The following LMNTD1 variants were observed in gnomAD, a reference collection of about 807,000 sequenced individuals.
LMNTD1 encodes lamin tail domain containing 1.
LMNTD1 carries 35 observed loss-of-function variants against 50.9 expected under a neutral mutation model. The ratio of observed to expected loss-of-function variants is 0.69; its 90% confidence interval spans 0.53 to 0.91. The LOEUF (loss-of-function observed/expected upper bound fraction) is 0.91. Ranked by LOEUF, LMNTD1 falls within the 40% of genes least tolerant of loss-of-function variation. The pLI is 0.00. For missense variants in LMNTD1, 470 were observed against 475.5 expected (o/e 0.99, Z 0.11); for synonymous variants, 153 against 161.9 (o/e 0.94, Z 0.42).
chr12:25,519,586 T>TAAAAAAAAAAAAAAA (rs781742784), intron 7 of LMNTD1, among the ~76,000 whole-genome samples: 1,017 of 74,802 alleles, frequency 0.014, 170 homozygotes, highest in Admixed American at 0.047. Context: ...AGACTCTGTC[T>TAAAAAAAAAAAAAAA]CAAAAAAAAA....
rs566946297 is a variant in LMNTD1, at chr12:25,621,640, C to T, written c.58+26854G>A. Among the ~76,000 whole-genome samples, 13 of 152,286 alleles carry T rather than the reference C, an allele frequency of 8.5e-5. No individual in the cohort carries two copies. The South Asian group carries it at 1.7e-3, about 19-fold the overall frequency. On this transcript the variant is annotated intron_variant, in intron 1 of 7. Coordinates refer to the LMNTD1 transcript ENST00000445693. ...TTCTTAAATGAATAATTCTGTTCCC[C>T]TATTTTTCCTTTCAGTTATTCATTT...
intron 4 of LMNTD1, among the ~76,000 whole-genome samples, chr12:25,531,823 T>C (rs921740976): frequency 6.6e-6 from 1 of 152,230 alleles, no homozygotes; most frequent in Non-Finnish European, 1.5e-5. Context: ...ATTTATAACC[T>C]TGCTATCTGT....
At chr12:25,612,935 T>C (rs189070806) in intron 1 of LMNTD1, among the ~76,000 whole-genome samples, 3 of 152,256 alleles carry the variant, frequency 2.0e-5, no homozygotes, top group East Asian at 3.9e-4. Context: ...AGTGTTCTTA[T>C]AGGCAGACAG....
At chr12:25,514,165 G>C (rs1052675542) in intron 8 of LMNTD1, among the ~76,000 whole-genome samples, 3 of 152,170 alleles carry the variant, frequency 2.0e-5, no homozygotes, top group African/African-American at 7.2e-5. Context: ...AACAGGAACA[G>C]TGTTATTGGC....
At chr12:25,624,874 G>T (rs192431082) in intron 1 of LMNTD1, among the ~76,000 whole-genome samples, 43 of 152,274 alleles carry the variant, frequency 2.8e-4, no homozygotes, top group African/African-American at 9.6e-4. Context: ...AAATACAAAA[G>T]CAAGTATCCC....
intron 2 of LMNTD1, among the ~76,000 whole-genome samples, chr12:25,551,600 G>A (rs748086292): frequency 6.6e-6 from 1 of 151,990 alleles, no homozygotes; most frequent in Non-Finnish European, 1.5e-5. Flanking sequence ...TATGTTGCCC[G>A]GGCTGTCTCT....
intron 9 of LMNTD1, among the ~76,000 whole-genome samples, chr12:25,484,630 A>G (rs1938556774): frequency 1.4e-5 from 2 of 146,654 alleles, no homozygotes; most frequent in South Asian, 4.5e-4. Context: ...CATTAGGTAT[A>G]TCTCCCAATG....
At chr12:25,552,777 T>A in intron 2 of LMNTD1, 94 bp downstream of exon 2, 1 of 749,394 alleles carries the variant, frequency 1.3e-6, no homozygotes, top group Non-Finnish European at 2.3e-6. Context: ...AACTGGTTCA[T>A]AAGAGTATTG....
chr12:25,646,588 T>A (rs959742735), intron 1 of LMNTD1, among the ~76,000 whole-genome samples: 1 of 152,170 alleles, frequency 6.6e-6, no homozygotes. Flanking sequence ...CCAAAGTCCC[T>A]GGTTTTTCAG....
chr12:25,632,977 G>A (rs1946752982), intron 1 of LMNTD1, among the ~76,000 whole-genome samples: 1 of 151,326 alleles, frequency 6.6e-6, no homozygotes, highest in African/African-American at 2.4e-5. Context: ...GGTGGAAAAA[G>A]GCATTTCACG....
intron 1 of LMNTD1, among the ~76,000 whole-genome samples, chr12:25,622,561 C>G (rs1234931720): frequency 6.7e-6 from 1 of 148,592 alleles, no homozygotes; most frequent in Admixed American, 6.9e-5. Flanking sequence ...ACTGTGTATG[C>G]AGCTGAATTT....
intron 9 of LMNTD1, among the ~76,000 whole-genome samples, chr12:25,501,695 T>C (rs752972023): frequency 2.0e-5 from 3 of 152,138 alleles, no homozygotes; most frequent in African/African-American, 7.2e-5. Flanking sequence ...AGTGACATAA[T>C]GTAAAGCCAT....
intron 1 of LMNTD1, among the ~76,000 whole-genome samples, chr12:25,576,860 A>C (rs1459485075): frequency 6.6e-6 from 1 of 151,996 alleles, no homozygotes; most frequent in Non-Finnish European, 1.5e-5. Flanking sequence ...TCTTGAATTG[A>C]TTTTTGTATA....
chr12:25,508,413 C>T lies in LMNTD1; in HGVS notation c.1190-4613G>A, dbSNP rs555782225. ...TCCTTTTTGTCTGACATTTCTTGTT[C>T]AATAGTATGCTTATGAGATTCACTG... On this transcript the variant is annotated intron_variant, in intron 8 of 9. Coordinates refer to ENST00000458174, the MANE Select transcript of LMNTD1 (RefSeq NM_001145728.2). Among the ~76,000 whole-genome samples, 3 of 152,208 alleles carry T rather than the reference C, an allele frequency of 2.0e-5. No individual in the cohort carries two copies. The South Asian group carries it at 6.2e-4, about 32-fold the overall frequency.
chr12:25,577,875 G>T (rs933261275), intron 1 of LMNTD1, among the ~76,000 whole-genome samples: 3 of 152,118 alleles, frequency 2.0e-5, no homozygotes, highest in African/African-American at 7.2e-5. Context: ...GGTCTGTGCT[G>T]ATCCCACTTC....
intron 6 of LMNTD1, among the ~76,000 whole-genome samples, chr12:25,524,628 A>G (rs552519818): frequency 2.6e-5 from 4 of 151,368 alleles, no homozygotes; most frequent in African/African-American, 4.9e-5. Context: ...TGGTTTACAG[A>G]GTGGATAACT....
At chr12:25,575,802 TC>T (rs2136384141) in intron 1 of LMNTD1, among the ~76,000 whole-genome samples, 1 of 152,250 alleles carries the variant, frequency 6.6e-6, no homozygotes, top group South Asian at 2.1e-4. Context: ...ACTCGTCACT[TC>T]CATTAGGTAT....
chr12:25,607,271 T>C (rs995662745), intron 1 of LMNTD1, among the ~76,000 whole-genome samples: 7 of 152,190 alleles, frequency 4.6e-5, no homozygotes, highest in African/African-American at 1.7e-4. Flanking sequence ...TGTTGATCTT[T>C]TCAAAAAACC....
chr12:25,584,461 AC>A (rs1302840008), intron 1 of LMNTD1, among the ~76,000 whole-genome samples: 5 of 152,170 alleles, frequency 3.3e-5, no homozygotes, highest in Admixed American at 1.3e-4. Flanking sequence ...TGATGTTTTG[AC>A]TTTCGAGAAT....
Sources: gnomAD v4.1 joint callset for allele counts (sites outside exome capture counted in the v4.1 genomes callset) on GRCh38, gnomAD v4.1.1 for gene constraint, MANE v1.5 for transcripts, NCBI Gene and HGNC (gene_info 2026-07-23, HGNC 2026-07-21) for gene names.